Variants in CPVL observed in about 807,000 individuals in gnomAD.
CPVL encodes carboxypeptidase vitellogenic like.
In CPVL, 51 loss-of-function variants were observed where a neutral mutation model predicts 63.7. That is an observed-to-expected ratio of 0.80 (90% CI 0.64 to 1.01). The LOEUF is 1.01. Among genes scored for constraint, CPVL ranks in the 50% least tolerant of loss-of-function variants. The pLI, the probability that CPVL is intolerant of heterozygous loss-of-function variation, is 0.00. For synonymous variants in CPVL, 195 were observed against 206.0 expected (o/e 0.95, Z 0.46); for missense variants, 530 against 573.1 (o/e 0.92, Z 0.77).
upstream of CPVL, among the ~76,000 whole-genome samples, chr7:29,150,392 C>T (rs1793427920): frequency 1.3e-5 from 2 of 152,172 alleles, no homozygotes; most frequent in Non-Finnish European, 2.9e-5. Context: ...TAATGGTGAT[C>T]ATGACAATCA....
chr7:29,150,785 T>C (rs557012746), upstream of CPVL, among the ~76,000 whole-genome samples: 51 of 152,184 alleles, frequency 3.4e-4, no homozygotes, highest in Admixed American at 7.9e-4. Flanking sequence ...TTACTGATCT[T>C]CAATGGGGCC....
At chr7:28,997,994 A>G (rs972510106) in intron 12 of CPVL, among the ~76,000 whole-genome samples, 1 of 152,216 alleles carries the variant, frequency 6.6e-6, no homozygotes, top group Non-Finnish European at 1.5e-5. Context: ...TGTGAAACCC[A>G]TCTACCATTT....
intron 11 of CPVL, among the ~76,000 whole-genome samples, chr7:29,052,871 T>C (rs1379713574): frequency 6.6e-6 from 1 of 152,164 alleles, no homozygotes; most frequent in Non-Finnish European, 1.5e-5. Context: ...ATCATGCCAC[T>C]GCACTGCAGC....
intron 12 of CPVL, chr7:29,012,000 T>C (rs1477237073): frequency 6.6e-6 from 1 of 152,202 alleles, no homozygotes; most frequent in East Asian, 1.9e-4. Context: ...CTATTTCAGT[T>C]AGAGGTTAGA....
chr7:29,171,376 A>G (rs1584538656), intron 5 of CPVL, among the ~76,000 whole-genome samples: 1 of 152,158 alleles, frequency 6.6e-6, no homozygotes, highest in Non-Finnish European at 1.5e-5. Context: ...AACATAATAC[A>G]TATGTAATGG....
At chr7:29,013,988 C>G (rs1355164736) in intron 12 of CPVL, among the ~76,000 whole-genome samples, 2 of 152,232 alleles carry the variant, frequency 1.3e-5, no homozygotes, top group African/African-American at 4.8e-5. Context: ...TTATTTCTCC[C>G]TTGGTCCAGT....
chr7:29,066,978 A>G (rs544783267), intron 9 of CPVL, among the ~76,000 whole-genome samples: 1 of 152,312 alleles, frequency 6.6e-6, no homozygotes, highest in East Asian at 1.9e-4. Flanking sequence ...AAGACAGGTA[A>G]TTAGAGAAAT....
At chr7:29,103,015 A>AC (rs1787318201) in intron 3 of CPVL, among the ~76,000 whole-genome samples, 2 of 151,944 alleles carry the variant, frequency 1.3e-5, no homozygotes, top group South Asian at 4.2e-4. Flanking sequence ...AGATTGATAT[A>AC]CCCTCCCTGG....
At chr7:29,031,101 C>T (rs1208682311) in intron 11 of CPVL, among the ~76,000 whole-genome samples, 2 of 152,108 alleles carry the variant, frequency 1.3e-5, no homozygotes, top group African/African-American at 2.4e-5. Flanking sequence ...ATACTACCCC[C>T]TAGGATTTTC....
In CPVL at chr7:29,071,632, C is replaced by T. The variant is rs766909572; in HGVS notation, c.864+141G>A. The T allele has an allele frequency of 7.3e-6, 6 of 826,792 alleles. No individual in the cohort carries two copies. The East Asian group carries it at 1.1e-4, about 15-fold the overall frequency. The allele number at this position is 826,792 out of a possible 1,614,324, so 51.2% of individuals were successfully genotyped here. On this transcript the variant is annotated intron_variant, in intron 9 of 12. Coordinates refer to ENST00000265394, the MANE Select transcript of CPVL (RefSeq NM_031311.5). ...TTCTTCATTATGAGGCCACTCAACT[C>T]GCCTCCCGATCTCCAATGGAATAAC...
intron 3 of CPVL, among the ~76,000 whole-genome samples, chr7:29,096,715 G>A (rs565305537): frequency 6.6e-6 from 1 of 152,248 alleles, no homozygotes; most frequent in East Asian, 1.9e-4. Flanking sequence ...TGGTCGCGGT[G>A]GCTCACGCCT....
At chr7:29,049,746 C>G (rs1789966533) in intron 11 of CPVL, among the ~76,000 whole-genome samples, 1 of 152,042 alleles carries the variant, frequency 6.6e-6, no homozygotes, top group Non-Finnish European at 1.5e-5. Context: ...ACCTGATGAA[C>G]ATAGACACTA....
At chr7:29,083,930 CT>C (rs968968902) in intron 7 of CPVL, among the ~76,000 whole-genome samples, 2 of 150,754 alleles carry the variant, frequency 1.3e-5, no homozygotes, top group Non-Finnish European at 3.0e-5. Flanking sequence ...TAATTTTTTC[CT>C]TTTTTTTTCT....
intron 12 of CPVL, among the ~76,000 whole-genome samples, chr7:29,023,461 C>T (rs761729470): frequency 5.3e-5 from 8 of 152,118 alleles, no homozygotes; most frequent in Admixed American, 1.3e-4. Flanking sequence ...TACCTCCCAC[C>T]GGGTCCCTTC....
At chr7:29,154,539 A>G (rs1160031863) in intron 5 of CPVL, among the ~76,000 whole-genome samples, 1 of 152,208 alleles carries the variant, frequency 6.6e-6, no homozygotes, top group Admixed American at 6.5e-5. Flanking sequence ...TATTTAAAGA[A>G]GTATTATTAT....
chr7:29,029,279 T>C (rs1462431964), intron 12 of CPVL, among the ~76,000 whole-genome samples: 1 of 152,226 alleles, frequency 6.6e-6, no homozygotes, highest in Non-Finnish European at 1.5e-5. Context: ...AATTACCATA[T>C]GCTGCAGCAA....
chr7:29,158,196 G>A (rs1225769469), intron 5 of CPVL, among the ~76,000 whole-genome samples: 5 of 152,162 alleles, frequency 3.3e-5, no homozygotes, highest in East Asian at 1.9e-4. Context: ...CATGAGTTCC[G>A]GAATGAATGA....
At chr7:29,072,983 T>C (rs556698529) in intron 7 of CPVL, among the ~76,000 whole-genome samples, 1 of 152,324 alleles carries the variant, frequency 6.6e-6, no homozygotes, top group African/African-American at 2.4e-5. Context: ...TAGATATATT[T>C]CCCCTAACAA....
At chr7:29,159,207 C>G (rs957111589) in intron 5 of CPVL, among the ~76,000 whole-genome samples, 3 of 152,134 alleles carry the variant, frequency 2.0e-5, no homozygotes, top group African/African-American at 7.2e-5. Context: ...AAGTTTAGAC[C>G]TGAGATGGAC....
Sources: gnomAD v4.1 joint callset for allele counts (sites outside exome capture counted in the v4.1 genomes callset) on GRCh38, gnomAD v4.1.1 for gene constraint, MANE v1.5 for transcripts, NCBI Gene and HGNC (gene_info 2026-07-23, HGNC 2026-07-21) for gene names.